NRM: variants seen among roughly 807,000 people sequenced by gnomAD.
NRM encodes nuclear rim protein.
A neutral mutation model predicts 23.4 loss-of-function variants in NRM; 19 were observed. That is an observed-to-expected ratio of 0.81 (90% confidence interval 0.57 to 1.19). The LOEUF is 1.19. NRM is among the 50% of genes most tolerant of loss of function. NRM has a pLI of 0.00. For synonymous variants in NRM, 140 were observed against 143.5 expected, an observed-to-expected ratio of 0.98 and a Z score of 0.17; for missense variants, 232 against 329.7, an observed-to-expected ratio of 0.70 and a Z score of 2.30.
Position 30,688,493 on chromosome 6 carries a change from T to G in NRM, c.*168A>C. 1 of 757,826 alleles carries G rather than the reference T, an allele frequency of 1.3e-6. No homozygotes were observed. The highest frequency in any genetic ancestry group is 2.1e-6 in the Non-Finnish European group (1 of 475,034). 46.9% of individuals were successfully genotyped at this position (757,826 alleles called of 1,614,324 possible). A position where few individuals can be genotyped will look rare whatever the true frequency, so the allele number is the denominator to read the frequency against. The stretch of plus-strand genomic sequence containing the variant: ...GGAGTTCAGTGGCTGAAACTCAGAA[T>G]TTAGGGTATGGAGCTGGACCCAGAG... On this transcript the variant is annotated 3_prime_UTR_variant, in exon 4 of 4. Transcript: ENST00000376421. This position sits in a 1 kb window ranked among gnomAD's most constrained non-coding sequence, Gnocchi z 5.9.
upstream of NRM, chr6:30,691,151 G>T: frequency 1.6e-6 from 1 of 633,060 alleles, no homozygotes; most frequent in Non-Finnish European, 2.7e-6. Context: ...GATCCGTCCT[G>T]GGATGCGTGT....
At chr6:30,691,052 C>T (rs1405737853), upstream of NRM, 9 of 1,505,412 alleles carry the variant, frequency 6.0e-6, no homozygotes, top group East Asian at 2.2e-4. Context: ...GCCCCGCCCC[C>T]GGCTGAATCC....
chr6:30,691,207 G>A, upstream of NRM: 2 of 521,536 alleles, frequency 3.8e-6, no homozygotes, highest in South Asian at 4.8e-5. Context: ...TTAGAATCCC[G>A]AGAGAGAGCT....
chr6:30,688,166 C>T lies in NRM; in HGVS notation c.*495G>A, dbSNP rs1388527501. 6.1e-6 allele frequency: 1 copy of T among 162,974 alleles called. No individual in the cohort carries two copies. Among genetic ancestry groups the T allele is most frequent in the Admixed American group, 6.0e-5 (1 of 16,536 alleles). The allele number at this position is 162,974 out of a possible 1,614,324, so 10.1% of individuals were successfully genotyped here. A position where few individuals can be genotyped will look rare whatever the true frequency, so the allele number is the denominator to read the frequency against. ...CCTTGACTAGGTTGGGGTCTGAGCC[C>T]AGAGGCAGGGCCTAAGGAGGTGCAG... On this transcript the variant is annotated 3_prime_UTR_variant, in exon 4 of 4. Transcript: ENST00000376421. This position sits in a 1 kb window ranked among gnomAD's most constrained non-coding sequence, Gnocchi z 5.9.
At position 30,688,502 on chromosome 6, in the gene NRM, T is replaced by C; in HGVS notation, c.*159A>G. 1.2e-6 allele frequency: 1 copy of C among 815,666 alleles called. No individual in the cohort carries two copies. The highest frequency in any genetic ancestry group is 1.9e-6 in the Non-Finnish European group (1 of 523,272). The allele number at this position is 815,666 out of a possible 1,614,324, so 50.5% of individuals were successfully genotyped here. ...TGGCTGAAACTCAGAATTTAGGGTATGGAGCTGGACCCAGAGAATAAAGTC... is the reference window on the plus strand; with the variant it reads ...TGGCTGAAACTCAGAATTTAGGGTACGGAGCTGGACCCAGAGAATAAAGTC... On this transcript the variant is annotated 3_prime_UTR_variant, in exon 4 of 4. Transcript: ENST00000376421. This position sits in a 1 kb window ranked among gnomAD's most constrained non-coding sequence, Gnocchi z 5.9.
In NRM at chr6:30,688,959, AG is replaced by A; in HGVS notation, c.508-18del. On this transcript the variant is annotated intron_variant, in intron 3 of 3. Transcript: ENST00000376421. This position sits in a 1 kb window ranked among gnomAD's most constrained non-coding sequence, Gnocchi z 5.9. Reference sequence around the variant, plus strand: ...GTAGTATACCTAAGAGAGGGAGAAGAGCTTAGAAATGGAGTCAAGCCCTTTT... The same window carrying A: ...GTAGTATACCTAAGAGAGGGAGAAGACTTAGAAATGGAGTCAAGCCCTTTT... 6.2e-7 allele frequency: 1 copy of A among 1,602,704 alleles called. No individual in the cohort carries two copies. Among genetic ancestry groups the A allele is most frequent in the Non-Finnish European group, 8.5e-7 (1 of 1,173,970 alleles).
At chr6:30,691,117 C>G, upstream of NRM, 2 of 911,254 alleles carry the variant, frequency 2.2e-6, no homozygotes, top group Non-Finnish European at 3.3e-6. Flanking sequence ...GCCCGCCTGG[C>G]GCAGCCTTCC....
chr6:30,688,348 G>A lies in NRM; in HGVS notation c.*313C>T, dbSNP rs1771165205. Reference sequence around the variant, plus strand: ...GGCAAGTAACAGTGCCAGGGGAGTGGTCAGGGCAGATCCTTTCCTTCTCAG... The same window carrying A: ...GGCAAGTAACAGTGCCAGGGGAGTGATCAGGGCAGATCCTTTCCTTCTCAG... On this transcript the variant is annotated 3_prime_UTR_variant, in exon 4 of 4. Coordinates refer to ENST00000376421, the MANE Select transcript of NRM (RefSeq NM_001384369.1). The surrounding 1 kb of genome is among the most constrained non-coding windows in gnomAD (Gnocchi z 5.9). The A allele has an allele frequency of 2.2e-6, 1 of 451,124 alleles. No homozygotes were observed. The highest frequency in any genetic ancestry group is 4.0e-6 in the Non-Finnish European group (1 of 249,372). The allele number at this position is 451,124 out of a possible 1,614,324, so 27.9% of individuals were successfully genotyped here.
chr6:30,688,969 T>C lies in NRM; in HGVS notation c.508-27A>G, dbSNP rs1771270901. The C allele has an allele frequency of 1.3e-6, 2 of 1,598,070 alleles. No individual in the cohort carries two copies. Among genetic ancestry groups the C allele is most frequent in the African/African-American group, 2.7e-5 (2 of 74,488 alleles). ...TAAGAGAGGGAGAAGAGCTTAGAAA[T>C]GGAGTCAAGCCCTTTTCTCATCTTG... is the stretch of plus-strand genomic sequence containing the variant. On this transcript the variant is annotated intron_variant, in intron 3 of 3. Transcript: ENST00000376421. This position sits in a 1 kb window ranked among gnomAD's most constrained non-coding sequence, Gnocchi z 5.9.
Position 30,688,524 on chromosome 6 carries a change from A to C in NRM, c.*137T>G. 1.0e-6 allele frequency: 1 copy of C among 970,540 alleles called. No individual in the cohort carries two copies. Among genetic ancestry groups the C allele is most frequent in the South Asian group, 1.6e-5 (1 of 62,482 alleles). The allele number at this position is 970,540 out of a possible 1,614,324, so 60.1% of individuals were successfully genotyped here. ...GTATGGAGCTGGACCCAGAGAATAA[A>C]GTCTCAAGTAGTAGAAGGGGCATCT... On this transcript the variant is annotated 3_prime_UTR_variant, in exon 4 of 4. Transcript: ENST00000376421. This position sits in a 1 kb window ranked among gnomAD's most constrained non-coding sequence, Gnocchi z 5.9.
Position 30,688,859 on chromosome 6 carries a change from G to A in NRM, c.591C>T (p.His197=), listed in dbSNP as rs1007429056. ...RALRLFSHLR[H]PVCVELLTVL... ...CTGTCAGCAGCTCCACACACACTGGGTGGCGCAGGTGGGAGAAGAGTCTGA... is the reference window on the plus strand; with the variant it reads ...CTGTCAGCAGCTCCACACACACTGGATGGCGCAGGTGGGAGAAGAGTCTGA... The change falls in exon 4 of 4, where the codon CAC becomes CAT. Residue 197 remains histidine, a synonymous_variant. Transcript: ENST00000376421. This position sits in a 1 kb window ranked among gnomAD's most constrained non-coding sequence, Gnocchi z 5.9. 2 of 1,613,998 alleles carry A rather than the reference G, an allele frequency of 1.2e-6. No individual in the cohort carries two copies. Among genetic ancestry groups the A allele is most frequent in the Admixed American group, 1.7e-5 (1 of 59,996 alleles).
At position 30,690,412 on chromosome 6, in the gene NRM, C is replaced by T. The variant is rs1382595710; in HGVS notation, c.134-169G>A. 1 of 1,074,032 alleles carries T rather than the reference C, an allele frequency of 9.3e-7. No homozygotes were observed. Among genetic ancestry groups the T allele is most frequent in the African/African-American group, 1.6e-5 (1 of 62,872 alleles). The allele number at this position is 1,074,032 out of a possible 1,614,324, so 66.5% of individuals were successfully genotyped here. ...CTCACTTTTCCATCCCTAGTTTCTG[C>T]CCTCTTCCCTAGGCCTCCTGCAAAC... On this transcript the variant is annotated intron_variant, in intron 1 of 3. Coordinates refer to ENST00000376421, the MANE Select transcript of NRM (RefSeq NM_001384369.1). This position sits in a 1 kb window ranked among gnomAD's most constrained non-coding sequence, Gnocchi z 5.5.
rs1771153135 is a variant in NRM at position 30,688,231 on chromosome 6, G to C, written c.*430C>G. 3 of 192,958 alleles carry C rather than the reference G, an allele frequency of 1.6e-5. No homozygotes were observed. The South Asian group carries it at 2.8e-4, about 18-fold the overall frequency. The allele number at this position is 192,958 out of a possible 1,614,324, so 12.0% of individuals were successfully genotyped here. ...AGTGGTGAGGCAAGGTTGGGGCCTG[G>C]AGGGACAGCTATGACCGTTGAACTT... On this transcript the variant is annotated 3_prime_UTR_variant, in exon 4 of 4. Coordinates refer to ENST00000376421, the MANE Select transcript of NRM (RefSeq NM_001384369.1). This position sits in a 1 kb window ranked among gnomAD's most constrained non-coding sequence, Gnocchi z 5.9.
In NRM at chr6:30,689,463, AT is replaced by A; in HGVS notation, c.331-12del. ...GTACCGCATCACCAGCTGTGGAAGG[AT>A]AAGGGGCTGGGTATCCCAGTGGCCT... is the stretch of plus-strand genomic sequence containing the variant. On this transcript the variant is annotated splice_polypyrimidine_tract_variant and intron_variant, in intron 2 of 3. Coordinates refer to ENST00000376421, the MANE Select transcript of NRM (RefSeq NM_001384369.1). The surrounding 1 kb of genome is among the most constrained non-coding windows in gnomAD (Gnocchi z 4.7). The A allele has an allele frequency of 6.4e-7, 1 of 1,562,540 alleles. No homozygotes were observed.
upstream of NRM, chr6:30,691,156 G>C (rs1046494721): frequency 8.2e-5 from 50 of 606,766 alleles, no homozygotes; most frequent in East Asian, 1.4e-3. Flanking sequence ...GTCCTGGGAT[G>C]CGTGTCCCGG....
At position 30,688,880 on chromosome 6, in the gene NRM, T is replaced by C. The variant is rs200858005; in HGVS notation, c.570A>G (p.Arg190=). 47 of 1,613,190 alleles carry C rather than the reference T, an allele frequency of 2.9e-5. No homozygotes were observed. The Admixed American group carries it at 7.8e-4, about 27-fold the overall frequency. The part of the protein sequence containing the change: ...PLALKSPRAL[R]LFSHLRHPVC... ...CTGGGTGGCGCAGGTGGGAGAAGAG[T>C]CTGAGAGCCCGGGGAGACTTCAGGG... The change falls in exon 4 of 4, where the codon AGA becomes AGG. Residue 190 remains arginine, a synonymous_variant. Transcript: ENST00000376421. The surrounding 1 kb of genome is among the most constrained non-coding windows in gnomAD (Gnocchi z 5.9).
Position 30,690,159 on chromosome 6 carries a change from AAT to A in NRM, c.216_217del (p.Phe73CysfsTer10). Reference sequence around the variant, plus strand: ...TGCCATGAGGCTGTGCTGCCCAACAAATAGAAGCAGGAGCCCCAGATCCCATG... The same window carrying A: ...TGCCATGAGGCTGTGCTGCCCAACAAAGAAGCAGGAGCCCCAGATCCCATG... On this transcript the variant is annotated frameshift_variant, in exon 2 of 4. Coordinates refer to ENST00000376421, the MANE Select transcript of NRM (RefSeq NM_001384369.1). LOFTEE classifies it high-confidence loss of function. The surrounding 1 kb of genome is among the most constrained non-coding windows in gnomAD (Gnocchi z 5.5). 1 of 1,612,814 alleles carries A rather than the reference AAT, an allele frequency of 6.2e-7. No homozygotes were observed. The highest frequency in any genetic ancestry group is 8.5e-7 in the Non-Finnish European group (1 of 1,179,902).
rs1771294501 is a variant in NRM, at chr6:30,689,133, C to T, written c.507+143G>A. 4.6e-6 allele frequency: 5 copies of T among 1,085,078 alleles called. No homozygotes were observed. Among genetic ancestry groups the T allele is most frequent in the Non-Finnish European group, 6.5e-6 (5 of 772,400 alleles). The allele number at this position is 1,085,078 out of a possible 1,614,324, so 67.2% of individuals were successfully genotyped here. On this transcript the variant is annotated intron_variant, in intron 3 of 3. Transcript: ENST00000376421. This position sits in a 1 kb window ranked among gnomAD's most constrained non-coding sequence, Gnocchi z 4.7. Reference sequence around the variant, plus strand: ...GCCCAGGAGGCCCATGCTTGCTGCCCTTACGAGGGAAAGTCAAAGGGAAGG... The same window carrying T: ...GCCCAGGAGGCCCATGCTTGCTGCCTTTACGAGGGAAAGTCAAAGGGAAGG...
chr6:30,688,877 G>A lies in NRM; in HGVS notation c.573C>T (p.Leu191=), dbSNP rs1771253909. ...ACACTGGGTGGCGCAGGTGGGAGAA[G>A]AGTCTGAGAGCCCGGGGAGACTTCA... ...LALKSPRALR[L]FSHLRHPVCV... Residue 191 remains leucine (L), a synonymous_variant, in exon 4 of 4, where the codon CTC becomes CTT. Coordinates refer to ENST00000376421, the MANE Select transcript of NRM (RefSeq NM_001384369.1). This position sits in a 1 kb window ranked among gnomAD's most constrained non-coding sequence, Gnocchi z 5.9. 1 of 1,613,914 alleles carries A rather than the reference G, an allele frequency of 6.2e-7. No individual in the cohort carries two copies. The highest frequency in any genetic ancestry group is 8.5e-7 in the Non-Finnish European group (1 of 1,179,996).
Sources: gnomAD v4.1 joint callset for allele counts on GRCh38, gnomAD v4.1.1 for gene constraint, Gnocchi (gnomAD v3.1) non-coding constraint, MANE v1.5 for transcripts, NCBI Gene and HGNC (gene_info 2026-07-23, HGNC 2026-07-21) for gene names.